NSD2: variants seen among roughly 807,000 people sequenced by gnomAD.
NSD2 encodes the protein nuclear receptor binding SET domain protein 2, also known as histone-lysine N-methyltransferase NSD2.
NSD2 carries 12 observed loss-of-function variants against 139.0 expected under a neutral mutation model. The observed-to-expected ratio is 0.09, with a 90% CI of 0.06 to 0.14. The LOEUF is 0.14. Among genes scored for constraint, NSD2 ranks in the 10% least tolerant of loss-of-function variants. The probability of loss-of-function intolerance (pLI) is 1.00; values close to 1 mark genes in which losing one functional copy is unlikely to be tolerated. For missense variants in NSD2, 1,155 were observed against 1,745.0 expected, an observed-to-expected ratio of 0.66 and a Z score of 6.02; for synonymous variants, 669 against 648.7, an observed-to-expected ratio of 1.03 and a Z score of -0.48.
At chr4:1,952,061 A>G (rs754995253) in intron 10 of NSD2, 47 bp from the exon 11 acceptor site, 2 of 1,601,616 alleles carry the variant, frequency 1.2e-6, no homozygotes, top group Non-Finnish European at 1.7e-6. Context: ...TAAGAGGTGC[A>G]GAAGGGACTG....
chr4:1,918,777 A>G, intron 5 of NSD2, 154 bp downstream of exon 5: 1 of 1,058,246 alleles, frequency 9.4e-7, no homozygotes, highest in South Asian at 1.8e-5. Flanking sequence ...GGGAACAGCC[A>G]TTCTGACCCT....
intron 5 of NSD2, among the ~76,000 whole-genome samples, chr4:1,927,004 C>T (rs1322081298): frequency 6.6e-6 from 1 of 152,172 alleles, no homozygotes. Flanking sequence ...GTGGTTCTGC[C>T]TTAGGGTCTC....
intron 1 of NSD2, among the ~76,000 whole-genome samples, chr4:1,876,547 C>T (rs1577346888): frequency 6.6e-6 from 1 of 152,174 alleles, no homozygotes; most frequent in East Asian, 1.9e-4. Context: ...TGAAAATTAG[C>T]TGGGCTTGGT....
At chr4:1,947,364 A>G in intron 9 of NSD2, 2 of 1,061,714 alleles carry the variant, frequency 1.9e-6, no homozygotes, top group Non-Finnish European at 2.3e-6. Context: ...GGCTACGGCT[A>G]CACAAAAGCC....
At chr4:1,895,289 T>A (rs2108722489) in intron 1 of NSD2, among the ~76,000 whole-genome samples, 2 of 152,346 alleles carry the variant, frequency 1.3e-5, no homozygotes, top group South Asian at 4.1e-4. Flanking sequence ...GTAGACAGAC[T>A]GTTTTTCACC....
chr4:1,898,535 G>A (rs2108737455), intron 1 of NSD2, among the ~76,000 whole-genome samples: 1 of 151,814 alleles, frequency 6.6e-6, no homozygotes, highest in South Asian at 2.1e-4. Flanking sequence ...GTGGTGGTGG[G>A]CGCCTGTAGT....
At chr4:1,954,018 CT>C (rs1249636466) in intron 12 of NSD2, among the ~76,000 whole-genome samples, 2 of 151,202 alleles carry the variant, frequency 1.3e-5, no homozygotes, top group East Asian at 3.9e-4. Context: ...AAAAATCTCC[CT>C]CTGTTGCCCA....
chr4:1,949,615 T>C (rs1724001921), intron 9 of NSD2, among the ~76,000 whole-genome samples: 1 of 152,104 alleles, frequency 6.6e-6, no homozygotes, highest in Non-Finnish European at 1.5e-5. Context: ...ACAAAAAATT[T>C]AGCCGGACTT....
At chr4:1,975,176 C>A (rs1026692973) in intron 19 of NSD2, 118 bp from the exon 20 acceptor site, 20 of 1,383,440 alleles carry the variant, frequency 1.4e-5, no homozygotes, top group Non-Finnish European at 1.7e-5. Flanking sequence ...GGCCATGGGT[C>A]AAGCCAGTAC....
intron 5 of NSD2, among the ~76,000 whole-genome samples, chr4:1,924,178 A>AAAAAT (rs780080130): frequency 6.6e-6 from 1 of 152,198 alleles, no homozygotes. Context: ...TACCAAAAAT[A>AAAAAT]AAAATAAAAT....
chr4:1,872,004 C>T (rs1177890081), intron 1 of NSD2, among the ~76,000 whole-genome samples: 1 of 148,364 alleles, frequency 6.7e-6, no homozygotes, highest in East Asian at 2.1e-4. Flanking sequence ...GCGGCGCCCC[C>T]GGTCCGGGGC....
intron 10 of NSD2, among the ~76,000 whole-genome samples, chr4:1,951,497 C>G (rs915504635): frequency 3.7e-5 from 5 of 133,830 alleles, no homozygotes; most frequent in African/African-American, 1.4e-4. Flanking sequence ...CACACACACA[C>G]ACACACACAC....
rs777143375 is a variant in NSD2 at position 1,973,299 on chromosome 4, G to A, written c.3373-1564G>A. Among the ~76,000 whole-genome samples, 4 of 152,226 alleles carry A rather than the reference G, an allele frequency of 2.6e-5. No individual in the cohort carries two copies. Among genetic ancestry groups the A allele is most frequent in the Non-Finnish European group, 5.9e-5 (4 of 68,044 alleles). ...AGTGGCACTGGGCCCCGCTGGTAAT[G>A]GTAGGAATGTAGGTTAGACACGGTG... On this transcript the variant is annotated intron_variant, in intron 18 of 21. Coordinates refer to ENST00000508803, the MANE Select transcript of NSD2 (RefSeq NM_001042424.3). The surrounding 1 kb of genome is among the most constrained non-coding windows in gnomAD (Gnocchi z 5.5).
At chr4:1,876,781 C>G (rs1224793839) in intron 1 of NSD2, among the ~76,000 whole-genome samples, 1 of 152,040 alleles carries the variant, frequency 6.6e-6, no homozygotes, top group African/African-American at 2.4e-5. Context: ...GAATTGGAAC[C>G]TCAATTTTTA....
chr4:1,899,676 G>C (rs1188854704), intron 1 of NSD2, among the ~76,000 whole-genome samples: 2 of 152,130 alleles, frequency 1.3e-5, no homozygotes, highest in Admixed American at 1.3e-4. Context: ...TTGGGGCTCT[G>C]GCCCCTTCAC....
At chr4:1,903,036 G>T (rs1396129745) in intron 2 of NSD2, among the ~76,000 whole-genome samples, 1 of 152,126 alleles carries the variant, frequency 6.6e-6, no homozygotes, top group Non-Finnish European at 1.5e-5. Flanking sequence ...GCTGGGCGTG[G>T]TGGCACTGCC....
intron 3 of NSD2, among the ~76,000 whole-genome samples, chr4:1,908,039 C>A (rs1718172731): frequency 6.6e-6 from 1 of 152,228 alleles, no homozygotes; most frequent in Admixed American, 6.5e-5. Flanking sequence ...GTAACAAGAT[C>A]TGTTGCTGTG....
chr4:1,930,133 G>T (rs571214455), intron 5 of NSD2, among the ~76,000 whole-genome samples: 1 of 152,250 alleles, frequency 6.6e-6, no homozygotes, highest in East Asian at 1.9e-4. Context: ...GCTGGCCTGG[G>T]CTGTGACAGA....
chr4:1,895,594 C>G (rs1025723190), intron 1 of NSD2, among the ~76,000 whole-genome samples: 3 of 151,896 alleles, frequency 2.0e-5, no homozygotes, highest in African/African-American at 7.3e-5. Context: ...ATTTCCTGTT[C>G]TCCTGTAGAA....
Sources: allele counts gnomAD v4.1 joint callset (sites outside exome capture counted in the v4.1 genomes callset), GRCh38; gene constraint gnomAD v4.1.1; non-coding constraint Gnocchi (gnomAD v3.1); transcripts MANE v1.5; gene names NCBI Gene and HGNC (gene_info 2026-07-23, HGNC 2026-07-21).